ZNF609: variants seen among roughly 807,000 people sequenced by gnomAD.
The protein encoded by ZNF609 is zinc finger protein 609.
In ZNF609, 11 loss-of-function variants were observed where a neutral mutation model predicts 109.5. The observed-to-expected ratio is 0.10, with a 90% confidence interval of 0.06 to 0.17. The LOEUF (loss-of-function observed/expected upper bound fraction) is 0.17. Ranked by LOEUF, ZNF609 falls within the 10% of genes least tolerant of loss-of-function variation. ZNF609 has a pLI of 1.00. For missense variants in ZNF609, 1,559 were observed against 1,772.4 expected, an observed-to-expected ratio of 0.88 and a Z score of 2.16; for synonymous variants, 646 against 662.0, an observed-to-expected ratio of 0.98 and a Z score of 0.37.
chr15:64,574,299 G>A (rs950658113), intron 2 of ZNF609, among the ~76,000 whole-genome samples: 2 of 150,798 alleles, frequency 1.3e-5, no homozygotes, highest in African/African-American at 4.9e-5. Context: ...GATACAGCTT[G>A]GTAAAGAAGG....
At position 64,674,722 on chromosome 15, in the gene ZNF609, C is replaced by G. The variant is rs201678172; in HGVS notation, c.1868C>G (p.Ala623Gly). The change falls in exon 5 of 10, where the codon GCC becomes GGC. Residue 623 changes from alanine (A) to glycine (G), a missense_variant. Around this residue, in one of 4 missense-constraint regions of ZNF609, gnomAD observed 1,204 missense variants for 1,314.1 expected, o/e 0.92. Transcript: ENST00000326648. The stretch of plus-strand genomic sequence containing the variant: ...GTGATGGATGAAACAAGCAATGATG[C>G]CTTTGATTCTTTAGAAAGGAAGTGT... ...PSVMDETSND[A>G]FDSLERKCME... is the part of the protein sequence containing the mutation. 6.6e-5 allele frequency: 106 copies of G among 1,613,926 alleles called. No individual in the cohort carries two copies. In the Middle Eastern group the frequency reaches 2.8e-3, roughly 43 times the overall value.
intron 2 of ZNF609, among the ~76,000 whole-genome samples, chr15:64,551,107 G>A (rs534325071): frequency 2.2e-4 from 33 of 151,850 alleles, no homozygotes; most frequent in Admixed American, 1.9e-3. Flanking sequence ...TTGTTTTGAG[G>A]TGAAGTCTCA....
chr15:64,665,940 AAAAT>A (rs772030258), intron 3 of ZNF609, among the ~76,000 whole-genome samples: 69 of 149,848 alleles, frequency 4.6e-4, no homozygotes, highest in Middle Eastern at 3.5e-3. Flanking sequence ...ATTAAATTAA[AAAAT>A]AAATAAACAA....
chr15:64,601,382 A>G (rs1187444641), intron 2 of ZNF609, among the ~76,000 whole-genome samples: 2 of 152,168 alleles, frequency 1.3e-5, no homozygotes, highest in African/African-American at 4.8e-5. Context: ...ATGATGACAC[A>G]CTCATGTGGA....
At chr15:64,561,557 T>C (rs1450816899) in intron 2 of ZNF609, among the ~76,000 whole-genome samples, 4 of 150,194 alleles carry the variant, frequency 2.7e-5, no homozygotes, top group South Asian at 2.2e-4. Flanking sequence ...TTTTTCTTTT[T>C]TTTTTTTTTT....
At chr15:64,478,324 C>A (rs761884605) in intron 1 of ZNF609, among the ~76,000 whole-genome samples, 3 of 151,914 alleles carry the variant, frequency 2.0e-5, no homozygotes, top group African/African-American at 4.8e-5. Context: ...CCTCAGCCTC[C>A]CAGGTAGCTG....
At position 64,675,323 on chromosome 15, in the gene ZNF609, T is replaced by C; in HGVS notation, c.2469T>C (p.Thr823=). Residue 823 remains threonine, a synonymous_variant, in exon 5 of 10, where the codon ACT becomes ACC. Transcript: ENST00000326648. ...ACACTACCCCTACTCAGCCCCTGAC[T>C]CCCTTACATGTGGTGACCCAGAATG... ...LENTTPTQPL[T]PLHVVTQNGA... The C allele has an allele frequency of 6.2e-7, 1 of 1,613,954 alleles. No homozygotes were observed. The highest frequency in any genetic ancestry group is 8.5e-7 in the Non-Finnish European group (1 of 1,179,946).
chr15:64,582,177 C>T (rs1372899232), intron 2 of ZNF609, among the ~76,000 whole-genome samples: 1 of 152,102 alleles, frequency 6.6e-6, no homozygotes, highest in Admixed American at 6.6e-5. Context: ...TAAATATAGC[C>T]TTACTCCTTC....
In ZNF609 at chr15:64,579,648, C is replaced by T. The variant is rs147801659; in HGVS notation, c.748-43179C>T. Among the ~76,000 whole-genome samples, 201 of 151,412 alleles carry T rather than the reference C, an allele frequency of 1.3e-3. 2 individuals carry two copies. The highest frequency in any genetic ancestry group is 9.2e-3 in the Admixed American group (139 of 15,172). On this transcript the variant is annotated intron_variant, in intron 2 of 9. Transcript: ENST00000326648. ...TCACTTAAGCCCAGGAGGCAGAGGT[C>T]GCAGTGAGCTGTGATCTTGCTACTG... is the stretch of plus-strand genomic sequence containing the variant.
At chr15:64,607,765 A>C (rs1435501533) in intron 2 of ZNF609, among the ~76,000 whole-genome samples, 1 of 151,640 alleles carries the variant, frequency 6.6e-6, no homozygotes, top group Non-Finnish European at 1.5e-5. Flanking sequence ...TTGGCCCCCC[A>C]AAGTGCTGGG....
chr15:64,647,223 C>T (rs947822855), intron 3 of ZNF609, among the ~76,000 whole-genome samples: 2 of 149,336 alleles, frequency 1.3e-5, no homozygotes, highest in African/African-American at 4.9e-5. Context: ...CACGAAAGGA[C>T]AAATATTGTA....
chr15:64,630,086 ATTTTCTT>A (rs1343680892), intron 3 of ZNF609, among the ~76,000 whole-genome samples: 1 of 129,534 alleles, frequency 7.7e-6, no homozygotes, highest in African/African-American at 3.3e-5. Flanking sequence ...CATCCTCCTA[ATTTTCTT>A]TTTTCTTTTT....
intron 3 of ZNF609, among the ~76,000 whole-genome samples, chr15:64,625,928 TATATATATAGAGAGAGAGAGAG>T (rs1225083376): frequency 1.7e-3 from 123 of 73,598 alleles, no homozygotes; most frequent in African/African-American, 6.4e-3. Flanking sequence ...TATATATATA[TATATATATAGAGAGAGAGAGAG>T]AGAGAGAGAG....
intron 3 of ZNF609, chr15:64,654,067 T>C (rs1176754236): frequency 1.3e-5 from 2 of 152,184 alleles, no homozygotes; most frequent in South Asian, 2.1e-4. Flanking sequence ...AGAGACAGAG[T>C]CTCACTCTGC....
At chr15:64,672,677 A>G (rs188872603) in intron 4 of ZNF609, among the ~76,000 whole-genome samples, 2 of 150,786 alleles carry the variant, frequency 1.3e-5, no homozygotes, top group East Asian at 4.0e-4. Context: ...GATAAGAATC[A>G]GAAGCAGGCC....
chr15:64,674,015 C>T lies in ZNF609; in HGVS notation c.1161C>T (p.Ala387=). ...PNSNTPVNET[A]TASDSKGTSN... is the part of the protein sequence containing the mutation. ...GTAATACACCTGTCAATGAGACAGCCACAGCCTCTGACAGCAAAGGGACCA... is the reference window on the plus strand; with the variant it reads ...GTAATACACCTGTCAATGAGACAGCTACAGCCTCTGACAGCAAAGGGACCA... Residue 387 remains alanine (A), a synonymous_variant, in exon 5 of 10, where the codon GCC becomes GCT. Coordinates refer to ENST00000326648, the MANE Select transcript of ZNF609 (RefSeq NM_015042.2). The T allele has an allele frequency of 6.2e-7, 1 of 1,614,150 alleles. No homozygotes were observed. The highest frequency in any genetic ancestry group is 8.5e-7 in the Non-Finnish European group (1 of 1,180,038).
At chr15:64,467,477 G>T (rs1230809485) in intron 1 of ZNF609, among the ~76,000 whole-genome samples, 1 of 152,198 alleles carries the variant, frequency 6.6e-6, no homozygotes, top group Non-Finnish European at 1.5e-5. Context: ...ACTGTGGCCT[G>T]CTTTTAAGGA....
intron 2 of ZNF609, among the ~76,000 whole-genome samples, chr15:64,552,092 G>A (rs1894491614): frequency 1.3e-5 from 2 of 152,102 alleles, no homozygotes; most frequent in South Asian, 4.2e-4. Context: ...TCCTTTATCA[G>A]ATGTGATTAG....
intron 1 of ZNF609, among the ~76,000 whole-genome samples, chr15:64,492,559 A>G (rs1893428851): frequency 6.6e-6 from 1 of 152,062 alleles, no homozygotes; most frequent in Non-Finnish European, 1.5e-5. Flanking sequence ...TATTTTTTAA[A>G]TAAATAGAGA....
Sources: gnomAD v4.1 joint callset for allele counts (sites outside exome capture counted in the v4.1 genomes callset) on GRCh38, gnomAD v4.1.1 for gene constraint, gnomAD v4.1.1 regional missense constraint, MANE v1.5 for transcripts, NCBI Gene and HGNC (gene_info 2026-07-23, HGNC 2026-07-21) for gene names.